SOX5: variants seen among roughly 807,000 people sequenced by gnomAD.
SOX5 encodes the protein SRY-box transcription factor 5, also known as transcription factor SOX-5.
A neutral mutation model predicts 92.0 loss-of-function variants in SOX5; 9 were observed. The observed-to-expected ratio is 0.10, with a 90% CI of 0.06 to 0.17. The LOEUF (loss-of-function observed/expected upper bound fraction) is 0.17. Among genes scored for constraint, SOX5 ranks in the 10% least tolerant of loss-of-function variants. SOX5 has a pLI of 1.00. For synonymous variants in SOX5, 344 were observed against 336.3 expected (o/e 1.02, Z -0.25); for missense variants, 642 against 944.5 (o/e 0.68, Z 4.20).
chr12:24,097,699 A>G (rs1945595985), intron 4 of SOX5, among the ~76,000 whole-genome samples: 1 of 152,142 alleles, frequency 6.6e-6, no homozygotes, highest in African/African-American at 2.4e-5. Flanking sequence ...TCCCTCATGT[A>G]TAGGATTGGT....
At chr12:24,026,599 CAAAAAAAAAA>C (rs5797058) in intron 4 of SOX5, among the ~76,000 whole-genome samples, 1 of 123,828 alleles carries the variant, frequency 8.1e-6, no homozygotes, top group African/African-American at 3.1e-5. Context: ...GAAAAAAAAG[CAAAAAAAAAA>C]AAAACAAAAA....
chr12:24,074,630 C>CAAAAATAAAAAATAAAAAAATAAA (rs1942270255), intron 4 of SOX5, among the ~76,000 whole-genome samples: 1 of 51,274 alleles, frequency 2.0e-5, no homozygotes, highest in African/African-American at 7.5e-5. Context: ...TGTAAACTAC[C>CAAAAATAAAAAATAAAAAAATAAA]AAAAAAAAAA....
rs572960390 is a variant in SOX5 at position 24,409,446 on chromosome 12, C to CT, written c.-250-40808dup. Among the ~76,000 whole-genome samples the CT allele has an allele frequency of 2.2e-3, 329 of 150,990 alleles. 2 individuals carry two copies. The Middle Eastern group carries it at 0.024, about 11-fold the overall frequency. ...ACCTGCACTTTCTGCACATGTATCC[C>CT]TTTTTTTTTAGAAAAAATAATTTTT... On this transcript the variant is annotated intron_variant, in intron 1 of 4. Coordinates refer to the SOX5 transcript ENST00000446891.
intron 7 of SOX5, among the ~76,000 whole-genome samples, chr12:23,653,743 C>T (rs756386177): frequency 8.6e-5 from 13 of 152,014 alleles, no homozygotes; most frequent in Non-Finnish European, 1.3e-4. Flanking sequence ...GGACTTTGCC[C>T]TCATGACCTA....
At chr12:24,109,361 A>G (rs1453163454) in intron 4 of SOX5, among the ~76,000 whole-genome samples, 1 of 152,166 alleles carries the variant, frequency 6.6e-6, no homozygotes, top group African/African-American at 2.4e-5. Context: ...GTGTTTTGAA[A>G]AACTACAAAA....
intron 1 of SOX5, among the ~76,000 whole-genome samples, chr12:24,446,651 G>T (rs528493005): frequency 7.2e-5 from 11 of 152,266 alleles, no homozygotes; most frequent in South Asian, 6.2e-4. Flanking sequence ...GCAAGTGGGG[G>T]TGATTAGAAT....
intron 2 of SOX5, among the ~76,000 whole-genome samples, chr12:24,349,045 T>C (rs1054260348): frequency 6.6e-6 from 1 of 152,196 alleles, no homozygotes; most frequent in Non-Finnish European, 1.5e-5. Flanking sequence ...AGTGTGAGAA[T>C]GGACTAATAC....
intron 14 of SOX5, among the ~76,000 whole-genome samples, chr12:23,535,223 T>C (rs1024863647): frequency 2.0e-5 from 3 of 152,192 alleles, no homozygotes; most frequent in African/African-American, 7.2e-5. Flanking sequence ...AATCTAAAGA[T>C]AATTAAATTT....
At chr12:23,911,338 A>G (rs1248874797) in intron 1 of SOX5, among the ~76,000 whole-genome samples, 2 of 152,086 alleles carry the variant, frequency 1.3e-5, no homozygotes, top group African/African-American at 4.8e-5. Flanking sequence ...ACATCTCAAG[A>G]GATGTTAGAT....
chr12:24,220,885 T>G (rs1024649136), intron 3 of SOX5, among the ~76,000 whole-genome samples: 1 of 152,216 alleles, frequency 6.6e-6, no homozygotes, highest in Admixed American at 6.5e-5. Context: ...CCACTTCCTA[T>G]GTAGTAGCCG....
At chr12:23,542,692 C>T (rs1422564555) in intron 13 of SOX5, among the ~76,000 whole-genome samples, 1 of 152,158 alleles carries the variant, frequency 6.6e-6, no homozygotes, top group Non-Finnish European at 1.5e-5. Flanking sequence ...TTCTTGTGTT[C>T]TGAAAATCTA....
At chr12:24,193,329 C>T (rs1279685933) in intron 4 of SOX5, among the ~76,000 whole-genome samples, 1 of 152,204 alleles carries the variant, frequency 6.6e-6, no homozygotes, top group Non-Finnish European at 1.5e-5. Context: ...CTCATGTCCA[C>T]ACCTCATCTG....
At chr12:24,481,334 A>C (rs936600129) in intron 1 of SOX5, among the ~76,000 whole-genome samples, 2 of 152,144 alleles carry the variant, frequency 1.3e-5, no homozygotes, top group African/African-American at 4.8e-5. Context: ...AGAAAGAATG[A>C]ATAAGACCTA....
intron 2 of SOX5, among the ~76,000 whole-genome samples, chr12:24,319,532 C>G (rs1409046099): frequency 6.6e-6 from 1 of 152,156 alleles, no homozygotes; most frequent in Non-Finnish European, 1.5e-5. Context: ...ATCCTTCTTT[C>G]TGTATTCTCA....
chr12:24,404,081 C>T (rs1245089297), intron 1 of SOX5, among the ~76,000 whole-genome samples: 3 of 152,122 alleles, frequency 2.0e-5, no homozygotes, highest in Admixed American at 6.5e-5. Context: ...AATATAATCC[C>T]CATTGAAGCT....
At chr12:24,428,752 A>AAAAAAAAAAAAAAAAAAC (rs1967043373) in intron 1 of SOX5, among the ~76,000 whole-genome samples, 1 of 149,300 alleles carries the variant, frequency 6.7e-6, no homozygotes, top group Non-Finnish European at 1.5e-5. Flanking sequence ...AAAAAAAAAA[A>AAAAAAAAAAAAAAAAAAC]AAAAAAAGCT....
At chr12:24,067,397 T>C (rs901087597) in intron 4 of SOX5, among the ~76,000 whole-genome samples, 6 of 152,050 alleles carry the variant, frequency 3.9e-5, no homozygotes, top group Non-Finnish European at 8.8e-5. Context: ...ATAATTGCCA[T>C]ACAGATTCCC....
intron 5 of SOX5, 126 bp downstream of exon 5, chr12:23,740,741 T>C: frequency 1.2e-6 from 1 of 846,478 alleles, no homozygotes; most frequent in Admixed American, 3.0e-5. Context: ...TTTTGGCCTT[T>C]GAATTTATTT....
chr12:24,196,298 T>A (rs186321928), intron 4 of SOX5, among the ~76,000 whole-genome samples: 2 of 152,368 alleles, frequency 1.3e-5, no homozygotes, highest in Non-Finnish European at 1.5e-5. Flanking sequence ...TAAAAAATCA[T>A]ATGTAAATAA....
Sources: allele counts gnomAD v4.1 joint callset (sites outside exome capture counted in the v4.1 genomes callset), GRCh38; gene constraint gnomAD v4.1.1; transcripts MANE v1.5; gene names NCBI Gene and HGNC (gene_info 2026-07-23, HGNC 2026-07-21).